The following SCAPER variants were observed in gnomAD, a reference collection of about 807,000 sequenced individuals.
SCAPER encodes the protein S phase cyclin A-associated protein in the endoplasmic reticulum.
Under a neutral mutation model 182.2 loss-of-function variants are expected in SCAPER, and 98 were observed. The observed-to-expected ratio is 0.54, with a 90% CI of 0.46 to 0.64. SCAPER has a LOEUF of 0.64. Among genes scored for constraint, SCAPER ranks in the 30% least tolerant of loss-of-function variants. The pLI, the probability that SCAPER is intolerant of heterozygous loss-of-function variation, is 0.00. For missense variants in SCAPER, 1,432 were observed against 1,690.0 expected (o/e 0.85, Z 2.68); for synonymous variants, 605 against 564.6 (o/e 1.07, Z -1.01).
At chr15:76,657,600 A>AG (rs1298574117) in intron 21 of SCAPER, among the ~76,000 whole-genome samples, 6 of 150,758 alleles carry the variant, frequency 4.0e-5, no homozygotes, top group Admixed American at 2.0e-4. Flanking sequence ...AAAAAAAAAA[A>AG]AAAGAAAGAA....
intron 25 of SCAPER, among the ~76,000 whole-genome samples, chr15:76,451,752 G>A (rs1213810403): frequency 1.3e-5 from 2 of 152,180 alleles, no homozygotes; most frequent in African/African-American, 4.8e-5. Context: ...CTGTGTGTAT[G>A]ACCTTAGAAT....
intron 17 of SCAPER, 49 bp downstream of exon 17, chr15:76,728,546 T>G: frequency 6.2e-7 from 1 of 1,608,932 alleles, no homozygotes; most frequent in Non-Finnish European, 8.5e-7. Flanking sequence ...GACCTCAACT[T>G]GAATATTCAC....
chr15:76,725,718 A>C (rs1448751434), intron 17 of SCAPER, among the ~76,000 whole-genome samples: 1 of 152,112 alleles, frequency 6.6e-6, no homozygotes, highest in East Asian at 1.9e-4. Flanking sequence ...TAATTTCAAC[A>C]AAGATGACAA....
At chr15:76,878,261 A>C (rs2073309844) in intron 2 of SCAPER, among the ~76,000 whole-genome samples, 1 of 152,226 alleles carries the variant, frequency 6.6e-6, no homozygotes, top group Admixed American at 6.5e-5. Flanking sequence ...TCATACACAC[A>C]AAGAGAGAAA....
intron 23 of SCAPER, among the ~76,000 whole-genome samples, chr15:76,549,467 G>A (rs915370731): frequency 1.3e-5 from 2 of 152,246 alleles, no homozygotes; most frequent in South Asian, 2.1e-4. Flanking sequence ...GGACATGGAC[G>A]AAGCTGGAAA....
intron 20 of SCAPER, among the ~76,000 whole-genome samples, chr15:76,681,670 G>T (rs1352735689): frequency 6.6e-6 from 1 of 152,196 alleles, no homozygotes; most frequent in African/African-American, 2.4e-5. Flanking sequence ...AAATTCTGGG[G>T]AAGAGATGAG....
At chr15:76,610,682 T>C (rs1362653150) in intron 22 of SCAPER, among the ~76,000 whole-genome samples, 1 of 152,060 alleles carries the variant, frequency 6.6e-6, no homozygotes, top group Non-Finnish European at 1.5e-5. Flanking sequence ...TCCATTTACA[T>C]TAACAAGAAA....
Position 76,727,337 on chromosome 15 carries a change from A to C in SCAPER, c.2165+1258T>G, listed in dbSNP as rs576022345. Among the ~76,000 whole-genome samples, 6 of 152,234 alleles carry C rather than the reference A, an allele frequency of 3.9e-5. No homozygotes were observed. The South Asian group carries it at 1.2e-3, about 32-fold the overall frequency. On this transcript the variant is annotated intron_variant, in intron 17 of 31. Transcript: ENST00000563290. ...CCTAATAAAAAATAAGGTGAAGGAT[A>C]GTTCCAGACACCAACAATTATTATA...
At chr15:76,492,024 T>A (rs1022582197) in intron 24 of SCAPER, among the ~76,000 whole-genome samples, 4 of 152,234 alleles carry the variant, frequency 2.6e-5, no homozygotes, top group African/African-American at 9.6e-5. Context: ...AATCTCTTCA[T>A]GTGCTTACTT....
intron 9 of SCAPER, among the ~76,000 whole-genome samples, 180 bp from the exon 10 acceptor site, chr15:76,772,134 T>C (rs376775521): frequency 2.0e-5 from 3 of 152,174 alleles, no homozygotes; most frequent in African/African-American, 4.8e-5. Flanking sequence ...ACAGGGACCA[T>C]TAAGCACAAA....
intron 20 of SCAPER, among the ~76,000 whole-genome samples, chr15:76,668,956 G>A (rs779957531): frequency 6.6e-6 from 1 of 152,046 alleles, no homozygotes; most frequent in Non-Finnish European, 1.5e-5. Flanking sequence ...AAACTTAGAA[G>A]GTATATATTT....
rs943316173 is a variant in SCAPER at position 76,536,658 on chromosome 15, G to A, written c.2839-31684C>T. Among the ~76,000 whole-genome samples, 23 of 152,182 alleles carry A rather than the reference G, an allele frequency of 1.5e-4. No individual in the cohort carries two copies. In the East Asian group the frequency reaches 4.1e-3, roughly 27 times the overall value. ...GCATTCCCTTTGAAAACTGGCACAA[G>A]ACAGGGATGCCCTCTCTCACCACTC... On this transcript the variant is annotated intron_variant, in intron 23 of 31. Coordinates refer to ENST00000563290, the MANE Select transcript of SCAPER (RefSeq NM_020843.4).
rs898119000 is a variant in SCAPER at position 76,354,308 on chromosome 15, A to G, written c.3856-168T>C. On this transcript the variant is annotated intron_variant, in intron 29 of 31. Coordinates refer to ENST00000563290, the MANE Select transcript of SCAPER (RefSeq NM_020843.4). This position sits in a 1 kb window ranked among gnomAD's most constrained non-coding sequence, Gnocchi z 4.4. ...TTTAAGTGATACTTGAAAAGAGCAG[A>G]AAAAAAAAATCTCATTTCCCAACTT... The G allele has an allele frequency of 1.1e-5, 5 of 473,040 alleles. No homozygotes were observed. The highest frequency in any genetic ancestry group is 9.1e-5 in the Admixed American group (2 of 21,928). 29.3% of individuals were successfully genotyped at this position (473,040 alleles called of 1,614,324 possible).
Position 76,841,757 on chromosome 15 carries a change from C to T in SCAPER, c.370G>A (p.Asp124Asn). The T allele has an allele frequency of 6.2e-7, 1 of 1,613,882 alleles. No individual in the cohort carries two copies. The highest frequency in any genetic ancestry group is 8.5e-7 in the Non-Finnish European group (1 of 1,179,856). ...ACCTTACATTCGACCACACTCTGAT[C>T]TGATTCGCAAGTTACATAGATTTCA... ...VDEIYVTCESDQSVVECKEVL... is the reference protein window; with the variant it reads ...VDEIYVTCESNQSVVECKEVL... The change falls in exon 5 of 32, where the codon GAT becomes AAT. Residue 124 changes from aspartate to asparagine, a missense_variant. Asp to Asn is a conservative substitution (Grantham distance 23). Coordinates refer to ENST00000563290, the MANE Select transcript of SCAPER (RefSeq NM_020843.4).
At chr15:76,659,840 G>T (rs2055981673) in intron 21 of SCAPER, among the ~76,000 whole-genome samples, 1 of 152,138 alleles carries the variant, frequency 6.6e-6, no homozygotes, top group South Asian at 2.1e-4. Flanking sequence ...GCAGTCTGTA[G>T]ATTTCTCAAA....
At chr15:76,784,494 C>T (rs533339224) in intron 8 of SCAPER, among the ~76,000 whole-genome samples, 1 of 152,322 alleles carries the variant, frequency 6.6e-6, no homozygotes, top group East Asian at 1.9e-4. Flanking sequence ...CCATCCCCAT[C>T]AAGCTACCAA....
chr15:76,670,239 T>C (rs1331087767), intron 20 of SCAPER, among the ~76,000 whole-genome samples: 2 of 151,970 alleles, frequency 1.3e-5, no homozygotes, highest in Admixed American at 6.5e-5. Flanking sequence ...TTTTGAAGTA[T>C]ATTCTTCCAG....
At chr15:76,788,881 A>T (rs1388421631) in intron 8 of SCAPER, among the ~76,000 whole-genome samples, 4 of 152,140 alleles carry the variant, frequency 2.6e-5, no homozygotes, top group African/African-American at 9.7e-5. Flanking sequence ...TATGTTGCCC[A>T]GACTAGTACC....
intron 17 of SCAPER, among the ~76,000 whole-genome samples, chr15:76,710,277 A>G (rs1034002310): frequency 1.3e-5 from 2 of 152,166 alleles, no homozygotes; most frequent in Non-Finnish European, 2.9e-5. Flanking sequence ...GTACTAAAGA[A>G]CCAAAATAAT....
Sources: gnomAD v4.1 joint callset for allele counts (sites outside exome capture counted in the v4.1 genomes callset) on GRCh38, gnomAD v4.1.1 for gene constraint, Gnocchi (gnomAD v3.1) non-coding constraint, MANE v1.5 for transcripts, NCBI Gene and HGNC (gene_info 2026-07-23, HGNC 2026-07-21) for gene names.